Variants in RANBP2 observed in about 807,000 individuals in gnomAD.
The protein encoded by RANBP2 is E3 SUMO-protein ligase RanBP2.
In RANBP2, 57 loss-of-function variants were observed where a neutral mutation model predicts 303.6. The ratio of observed to expected loss-of-function variants is 0.19; its 90% CI spans 0.15 to 0.23. The LOEUF is 0.23. RANBP2 is among the 10% of genes least tolerant of loss of function. The probability of loss-of-function intolerance (pLI) is 1.00; values close to 1 mark genes in which losing one functional copy is unlikely to be tolerated. For synonymous variants in RANBP2, 1,167 were observed against 1,301.5 expected (o/e 0.90, Z 2.23); for missense variants, 3,138 against 3,780.8 (o/e 0.83, Z 4.46).
the RANBP2 span, among the ~76,000 whole-genome samples, chr2:109,028,847 C>A: frequency 6.6e-6 from 1 of 152,206 alleles, no homozygotes; most frequent in Non-Finnish European, 1.5e-5. Flanking sequence ...CTCTCAGGAT[C>A]TGTGTGGCTG....
the RANBP2 span, among the ~76,000 whole-genome samples, chr2:109,653,303 G>A: frequency 2.0e-5 from 3 of 151,930 alleles, no homozygotes; most frequent in Non-Finnish European, 4.4e-5. Flanking sequence ...GCTGAGGCAG[G>A]AGAATCACTT....
At chr2:109,176,654 T>C in the RANBP2 span, among the ~76,000 whole-genome samples, 1 of 152,166 alleles carries the variant, frequency 6.6e-6, no homozygotes, top group Non-Finnish European at 1.5e-5. Flanking sequence ...GGAGAATCGC[T>C]TGAACCTGGG....
chr2:108,920,401 G>A, the RANBP2 span, among the ~76,000 whole-genome samples: 1 of 152,170 alleles, frequency 6.6e-6, no homozygotes, highest in Non-Finnish European at 1.5e-5. Flanking sequence ...TGCCCCCACT[G>A]TCATTAAATC....
At chr2:109,455,592 A>G in the RANBP2 span, among the ~76,000 whole-genome samples, 1 of 152,232 alleles carries the variant, frequency 6.6e-6, no homozygotes, top group Non-Finnish European at 1.5e-5. Context: ...AACCCCAGGA[A>G]CATCCAATCT....
chr2:109,030,869 C>A, the RANBP2 span, among the ~76,000 whole-genome samples: 4 of 152,110 alleles, frequency 2.6e-5, no homozygotes, highest in Admixed American at 6.6e-5. Flanking sequence ...ACCACAGGTG[C>A]ACCACACCCG....
the RANBP2 span, among the ~76,000 whole-genome samples, chr2:109,417,504 G>A: frequency 1.3e-5 from 2 of 152,136 alleles, no homozygotes; most frequent in Admixed American, 6.5e-5. Flanking sequence ...TCCTGCTTCC[G>A]CATGTGGCAT....
chr2:109,401,155 G>A, the RANBP2 span, among the ~76,000 whole-genome samples: 1 of 152,280 alleles, frequency 6.6e-6, no homozygotes, highest in East Asian at 1.9e-4. Context: ...TGCTAAGACT[G>A]GGGGGAGCTC....
At chr2:109,135,386 C>T in the RANBP2 span, among the ~76,000 whole-genome samples, 1 of 152,202 alleles carries the variant, frequency 6.6e-6, no homozygotes, top group Non-Finnish European at 1.5e-5. Flanking sequence ...CACACTTCCT[C>T]ACCATCTGCC....
At chr2:109,427,813 C>T in the RANBP2 span, among the ~76,000 whole-genome samples, 2 of 152,276 alleles carry the variant, frequency 1.3e-5, no homozygotes, top group Non-Finnish European at 2.9e-5. Context: ...TTTCTGCTGG[C>T]TGGGCTGAGC....
chr2:108,772,938 G>T lies in RANBP2; in HGVS notation c.8184G>T (p.Thr2728=). ...TTGAAGAGAAGGCAAAAGCAGATAC[G>T]TTAAAACTTCCACCTACATTTTTTT... ...PTVEEKAKAD[T]LKLPPTFFCG... The change falls in exon 23 of 29, where the codon ACG becomes ACT. Residue 2728 remains threonine (T), a synonymous_variant. Transcript: ENST00000283195. 1 of 1,614,036 alleles carries T rather than the reference G, an allele frequency of 6.2e-7. No individual in the cohort carries two copies. The highest frequency in any genetic ancestry group is 8.5e-7 in the Non-Finnish European group (1 of 1,179,956).
chr2:109,549,137 GTCAT>G, the RANBP2 span, among the ~76,000 whole-genome samples: 3 of 152,284 alleles, frequency 2.0e-5, no homozygotes, highest in Admixed American at 2.0e-4. Context: ...CTCCCCAGAT[GTCAT>G]TCAAATCGGT....
the RANBP2 span, chr2:108,846,983 A>T: frequency 1.0e-6 from 1 of 987,664 alleles, no homozygotes. Flanking sequence ...AGAGAATATC[A>T]TATATTAAAG....
chr2:108,945,198 G>A, the RANBP2 span, among the ~76,000 whole-genome samples: 19 of 152,250 alleles, frequency 1.2e-4, no homozygotes, highest in African/African-American at 4.6e-4. Context: ...GCTTGGGTGG[G>A]GGCGAGCTCC....
chr2:108,778,028 C>A (rs1678004973), intron 25 of RANBP2, among the ~76,000 whole-genome samples: 1 of 152,020 alleles, frequency 6.6e-6, no homozygotes, highest in Non-Finnish European at 1.5e-5. Flanking sequence ...TGTTGGAATT[C>A]ATGGCTTCAC....
chr2:108,930,878 C>G, the RANBP2 span: 1 of 1,443,954 alleles, frequency 6.9e-7, no homozygotes, highest in South Asian at 1.1e-5. Flanking sequence ...ATCAGCATTC[C>G]CATTTTACAG....
the RANBP2 span, among the ~76,000 whole-genome samples, chr2:109,588,618 C>T: frequency 1.3e-5 from 2 of 151,912 alleles, no homozygotes; most frequent in South Asian, 2.1e-4. Context: ...CTCAGCCTCA[C>T]GAGTAGCTGG....
the RANBP2 span, among the ~76,000 whole-genome samples, chr2:109,666,107 C>CACAAA: frequency 1.4e-5 from 2 of 144,156 alleles, no homozygotes; most frequent in South Asian, 4.4e-4. Context: ...CAGATTCTGT[C>CACAAA]ACAAAACAAA....
the RANBP2 span, among the ~76,000 whole-genome samples, chr2:109,656,336 G>T: frequency 7.3e-5 from 11 of 150,568 alleles, no homozygotes; most frequent in African/African-American, 2.0e-4. Context: ...AAATTCTGGG[G>T]TTTTTTTGTT....
chr2:109,450,675 T>C, the RANBP2 span, among the ~76,000 whole-genome samples: 5 of 151,796 alleles, frequency 3.3e-5, no homozygotes, highest in South Asian at 2.1e-4. Context: ...TTTTTTTACG[T>C]GAAGTTTTTG....
Sources: gnomAD v4.1 joint callset for allele counts (sites outside exome capture counted in the v4.1 genomes callset) on GRCh38, gnomAD v4.1.1 for gene constraint, MANE v1.5 for transcripts, NCBI Gene and HGNC (gene_info 2026-07-23, HGNC 2026-07-21) for gene names.